The following MYH11 variants were observed in gnomAD, a reference collection of about 807,000 sequenced individuals.
MYH11 encodes the protein myosin-11.
A neutral mutation model predicts 246.6 loss-of-function variants in MYH11; 80 were observed. The ratio of observed to expected loss-of-function variants is 0.32; its 90% CI spans 0.27 to 0.39. The LOEUF (loss-of-function observed/expected upper bound fraction) is 0.39. Among genes scored for constraint, MYH11 ranks in the 10% least tolerant of loss-of-function variants. The pLI is 1.00. For missense variants in MYH11, 2,158 were observed against 2,546.8 expected (o/e 0.85, Z 3.29); for synonymous variants, 1,071 against 1,015.5 (o/e 1.05, Z -1.04).
At chr16:15,716,622 A>C (rs751035107) in intron 38 of MYH11, among the ~76,000 whole-genome samples, 7 of 152,042 alleles carry the variant, frequency 4.6e-5, no homozygotes, top group Non-Finnish European at 7.4e-5. Context: ...GTCACGTTGG[A>C]GTGATTCTCC....
At chr16:15,827,782 C>T (rs1292226191) in intron 2 of MYH11, among the ~76,000 whole-genome samples, 2 of 152,212 alleles carry the variant, frequency 1.3e-5, no homozygotes, top group East Asian at 1.9e-4. Flanking sequence ...GACCTGGGGG[C>T]CTTGCACGGC....
intron 1 of MYH11, among the ~76,000 whole-genome samples, chr16:15,844,704 AG>A (rs1408060683): frequency 6.6e-6 from 1 of 152,034 alleles, no homozygotes; most frequent in Non-Finnish European, 1.5e-5. Context: ...AAAAAATATC[AG>A]CCAGGCATGA....
intron 13 of MYH11, among the ~76,000 whole-genome samples, chr16:15,757,490 C>G (rs1306141297): frequency 2.0e-5 from 2 of 98,176 alleles, no homozygotes; most frequent in African/African-American, 8.2e-5. Context: ...GCCTGGGCAA[C>G]AGAGTCAGAC....
chr16:15,841,832 T>C (rs1323067925), intron 1 of MYH11, among the ~76,000 whole-genome samples: 1 of 152,206 alleles, frequency 6.6e-6, no homozygotes, highest in Non-Finnish European at 1.5e-5. Flanking sequence ...CCAGGATCTA[T>C]GCGTGGTTGA....
rs958193678 is a variant in MYH11 at position 15,704,274 on chromosome 16, C to G, written c.5787-151G>C. ...AAACACACACGGCACAAATAAGATG[C>G]AGATATTCAAGTTGAAGTCAACAAA... On this transcript the variant is annotated intron_variant, in intron 40 of 40. Transcript: ENST00000300036. 5.5e-5 allele frequency: 46 copies of G among 840,850 alleles called. No homozygotes were observed. The Admixed American group carries it at 1.1e-3, about 20-fold the overall frequency. The allele number at this position is 840,850 out of a possible 1,614,324, so 52.1% of individuals were successfully genotyped here.
intron 37 of MYH11, chr16:15,717,585 A>G: frequency 1.7e-6 from 1 of 591,656 alleles, no homozygotes; most frequent in Non-Finnish European, 3.0e-6. Context: ...ACTTGAGCTC[A>G]GGAGTTCGAG....
intron 4 of MYH11, among the ~76,000 whole-genome samples, chr16:15,796,302 C>T (rs1243737944): frequency 1.3e-5 from 2 of 152,082 alleles, no homozygotes; most frequent in African/African-American, 4.8e-5. Context: ...TGGATAGCAC[C>T]GTTTTAGATG....
chr16:15,803,877 G>T (rs2042948137), intron 3 of MYH11, among the ~76,000 whole-genome samples: 1 of 152,162 alleles, frequency 6.6e-6, no homozygotes, highest in Admixed American at 6.5e-5. Context: ...GAGACCTCTG[G>T]CCTGACGTTC....
chr16:15,826,217 C>T (rs1298753518), intron 2 of MYH11, among the ~76,000 whole-genome samples: 1 of 152,030 alleles, frequency 6.6e-6, no homozygotes, highest in African/African-American at 2.4e-5. Context: ...GGTGCTGGGA[C>T]TACATTAGAA....
chr16:15,747,767 A>G, intron 18 of MYH11, 37 bp from the exon 19 acceptor site: 2 of 1,613,668 alleles, frequency 1.2e-6, no homozygotes, highest in Non-Finnish European at 1.7e-6. Flanking sequence ...CCTGATTTCC[A>G]CTGTGCCATT....
chr16:15,759,444 C>G (rs1178289833), intron 12 of MYH11, 132 bp downstream of exon 12: 1 of 1,177,404 alleles, frequency 8.5e-7, no homozygotes, highest in Non-Finnish European at 1.3e-6. Context: ...CTCAATGATC[C>G]ACCCTTAACT....
intron 40 of MYH11, chr16:15,714,212 G>A: frequency 6.5e-6 from 1 of 153,820 alleles, no homozygotes; most frequent in Admixed American, 6.4e-5. Context: ...GGAGCAGGGG[G>A]GACCCCCAAG....
At chr16:15,769,208 CA>C (rs2042046244) in intron 9 of MYH11, among the ~76,000 whole-genome samples, 2 of 152,118 alleles carry the variant, frequency 1.3e-5, no homozygotes, top group Non-Finnish European at 1.5e-5. Context: ...CCCAGCTACC[CA>C]GGAGGCTCAG....
In MYH11 at chr16:15,718,324, G is replaced by A. The variant is rs2151201141; in HGVS notation, c.5286C>T (p.Ala1762=). 6.2e-7 allele frequency: 1 copy of A among 1,609,196 alleles called. No homozygotes were observed. The highest frequency in any genetic ancestry group is 8.5e-7 in the Non-Finnish European group (1 of 1,179,976). ...TCCAGGCGGCCCTCACCTGCTGTGT[G>A]GCTTTGCGGACCCGGTCGCTCATGG... ...MEAMSDRVRK[A]TQQAEQLSNE... The change falls in exon 37 of 41, where the codon GCC becomes GCT. Residue 1762 remains alanine, a synonymous_variant. Transcript: ENST00000300036.
rs112895882 is a variant in MYH11, at chr16:15,782,390, G to T, written c.721C>A (p.Arg241=). 47 of 1,613,894 alleles carry T rather than the reference G, an allele frequency of 2.9e-5. 1 individual carries two copies. In the African/African-American group the frequency reaches 3.2e-4, roughly 11 times the overall value. The change falls in exon 6 of 41, where the codon CGA becomes AGA. Residue 241 remains arginine, a synonymous_variant. Coordinates refer to ENST00000300036, the MANE Select transcript of MYH11 (RefSeq NM_002474.3). Reference sequence around the variant, plus strand: ...CATGTGGCTTTGCTACTTACGAATCGTGAGGAGTTGTCGTTCTTCACTGTT... The same window carrying T: ...CATGTGGCTTTGCTACTTACGAATCTTGAGGAGTTGTCGTTCTTCACTGTT... ...AKTVKNDNSS[R]FGKFIRINFD...
chr16:15,852,645 G>T (rs892257567), intron 1 of MYH11, among the ~76,000 whole-genome samples: 1 of 152,088 alleles, frequency 6.6e-6, no homozygotes, highest in South Asian at 2.1e-4. Context: ...GGTCTGCAAT[G>T]TCTTTAGCCA....
chr16:15,726,750 G>C, intron 28 of MYH11, 98 bp downstream of exon 28: 1 of 1,384,084 alleles, frequency 7.2e-7, no homozygotes, highest in Non-Finnish European at 1.0e-6. Context: ...GACTTGCCTT[G>C]CAGCAAGAGA....
intron 3 of MYH11, among the ~76,000 whole-genome samples, chr16:15,816,242 A>T (rs1200841747): frequency 6.6e-6 from 1 of 152,210 alleles, no homozygotes; most frequent in Non-Finnish European, 1.5e-5. Context: ...GACAGTTACT[A>T]GCTATAGAGA....
At chr16:15,763,533 G>A (rs1311370716) in intron 10 of MYH11, among the ~76,000 whole-genome samples, 1 of 151,744 alleles carries the variant, frequency 6.6e-6, no homozygotes. Context: ...ATTAAAACTT[G>A]TAAAATTTTG....
Sources: gnomAD v4.1 joint callset for allele counts (sites outside exome capture counted in the v4.1 genomes callset) on GRCh38, gnomAD v4.1.1 for gene constraint, MANE v1.5 for transcripts, NCBI Gene and HGNC (gene_info 2026-07-23, HGNC 2026-07-21) for gene names.